Variants in PADI1 observed in about 807,000 individuals in gnomAD.
PADI1 encodes protein-arginine deiminase type-1.
PADI1 carries 65 observed loss-of-function variants against 74.8 expected under a neutral mutation model. That is an observed-to-expected ratio of 0.87 (90% CI 0.71 to 1.07). The LOEUF (loss-of-function observed/expected upper bound fraction) is 1.07. Among genes scored for constraint, PADI1 ranks in the 50% least tolerant of loss-of-function variants. The probability of loss-of-function intolerance (pLI) is 0.00; values close to 1 mark genes in which losing one functional copy is unlikely to be tolerated. For missense variants in PADI1, 943 were observed against 854.0 expected, an observed-to-expected ratio of 1.10 and a Z score of -1.30; for synonymous variants, 371 against 336.2, an observed-to-expected ratio of 1.10 and a Z score of -1.13.
At chr1:17,229,458 G>A (rs1488686638) in intron 8 of PADI1, among the ~76,000 whole-genome samples, 2 of 152,192 alleles carry the variant, frequency 1.3e-5, no homozygotes, top group Non-Finnish European at 2.9e-5. Context: ...CTGCAAGCCC[G>A]ATCTCACCCA....
At chr1:17,230,926 G>C (rs1389836166) in intron 10 of PADI1, among the ~76,000 whole-genome samples, 1 of 152,224 alleles carries the variant, frequency 6.6e-6, no homozygotes, top group Non-Finnish European at 1.5e-5. Flanking sequence ...GGGCAGGTCA[G>C]CAGCCCTCTT....
intron 10 of PADI1, among the ~76,000 whole-genome samples, chr1:17,231,926 A>T (rs989386564): frequency 1.4e-5 from 2 of 142,938 alleles, no homozygotes; most frequent in African/African-American, 5.4e-5. Context: ...TTCTCTTCCT[A>T]AAAAAAACAC....
intron 6 of PADI1, among the ~76,000 whole-genome samples, chr1:17,226,642 G>A (rs1180183550): frequency 6.6e-6 from 1 of 152,182 alleles, no homozygotes; most frequent in Non-Finnish European, 1.5e-5. Flanking sequence ...ATATGGCCAA[G>A]GCTGGGCGCA....
chr1:17,209,127 A>G (rs1265967753), intron 1 of PADI1, among the ~76,000 whole-genome samples: 3 of 152,236 alleles, frequency 2.0e-5, no homozygotes, highest in Non-Finnish European at 2.9e-5. Context: ...GGTATGTGTA[A>G]TGTGTACATC....
chr1:17,227,302 C>A (rs533862812), intron 6 of PADI1, among the ~76,000 whole-genome samples: 1 of 151,008 alleles, frequency 6.6e-6, no homozygotes, highest in Admixed American at 6.6e-5. Context: ...AATTCCAGCA[C>A]TTTGGGAGGC....
chr1:17,239,382 CT>C lies in PADI1; in HGVS notation c.1553-321del, dbSNP rs527751203. On this transcript the variant is annotated intron_variant, in intron 13 of 15. Coordinates refer to ENST00000375471, the MANE Select transcript of PADI1 (RefSeq NM_013358.3). ...AGTTGTAGATGATAATTAATCCCTC[CT>C]ATAGTTGCTTTAAATATTAATAATA... Among the ~76,000 whole-genome samples the C allele has an allele frequency of 3.9e-5, 6 of 152,138 alleles. No homozygotes were observed. In the South Asian group the frequency reaches 1.2e-3, roughly 32 times the overall value.
At chr1:17,206,049 C>A (rs931486374) in intron 1 of PADI1, among the ~76,000 whole-genome samples, 1 of 152,162 alleles carries the variant, frequency 6.6e-6, no homozygotes, top group African/African-American at 2.4e-5. Context: ...AGTTTCCCTA[C>A]CTGGCCACTA....
chr1:17,217,370 T>G (rs748356850), intron 1 of PADI1, among the ~76,000 whole-genome samples: 5 of 151,974 alleles, frequency 3.3e-5, no homozygotes, highest in Non-Finnish European at 7.4e-5. Flanking sequence ...GAACTAGAAA[T>G]GTACGATTAT....
Position 17,228,660 on chromosome 1 carries a change from G to T in PADI1, c.688G>T (p.Gly230Trp), listed in dbSNP as rs1481554024. 1 of 1,614,196 alleles carries T rather than the reference G, an allele frequency of 6.2e-7. No individual in the cohort carries two copies. The highest frequency in any genetic ancestry group is 2.2e-5 in the East Asian group (1 of 44,864). Reference protein sequence around the residue: ...NSLSDYKQVLGPQCLSYEVER... With the variant: ...NSLSDYKQVLWPQCLSYEVER... ...TCTCTCGGACTACAAACAGGTGCTGGGGCCCCAGTGTCTGTCCTATGAAGT... is the reference window on the plus strand; with the variant it reads ...TCTCTCGGACTACAAACAGGTGCTGTGGCCCCAGTGTCTGTCCTATGAAGT... The change falls in exon 7 of 16, where the codon GGG becomes TGG. Residue 230 changes from glycine to tryptophan, a missense_variant. Physicochemically the swap from Gly to Trp is radical, Grantham distance 184 (BLOSUM62 -2). Transcript: ENST00000375471.
intron 8 of PADI1, 70 bp downstream of exon 8, chr1:17,229,121 G>C: frequency 3.2e-6 from 3 of 934,000 alleles, no homozygotes; most frequent in Non-Finnish European, 5.0e-6. Context: ...CTGCCTCAGG[G>C]CTGCGCCCCT....
intron 10 of PADI1, among the ~76,000 whole-genome samples, chr1:17,231,615 C>T (rs1415280033): frequency 3.3e-5 from 5 of 152,182 alleles, no homozygotes; most frequent in South Asian, 2.1e-4. Flanking sequence ...TGACCTGCCC[C>T]GGGCTTGGCC....
At chr1:17,236,854 G>T (rs1308632197) in intron 11 of PADI1, among the ~76,000 whole-genome samples, 1 of 152,236 alleles carries the variant, frequency 6.6e-6, no homozygotes, top group Non-Finnish European at 1.5e-5. Flanking sequence ...GGCAGTTAAA[G>T]ATGTGGCTAC....
intron 15 of PADI1, among the ~76,000 whole-genome samples, chr1:17,241,477 G>T (rs948574605): frequency 6.6e-6 from 1 of 151,340 alleles, no homozygotes; most frequent in Non-Finnish European, 1.5e-5. Context: ...TGTCGGAATC[G>T]GGATGGAATC....
At position 17,228,608 on chromosome 1, in the gene PADI1, A is replaced by G. The variant is rs181199249; in HGVS notation, c.653-17A>G. The G allele has an allele frequency of 5.0e-6, 8 of 1,613,596 alleles. No homozygotes were observed. The highest frequency in any genetic ancestry group is 6.8e-6 in the Non-Finnish European group (8 of 1,179,846). ...ACCCCTGTCTCCTCGCTAGCCCCTG[A>G]CTCTTGTTCTTCCTAGGTGGGAATT... On this transcript the variant is annotated splice_polypyrimidine_tract_variant and intron_variant, in intron 6 of 15. Coordinates refer to ENST00000375471, the MANE Select transcript of PADI1 (RefSeq NM_013358.3).
At chr1:17,208,347 C>T (rs1306081012) in intron 1 of PADI1, among the ~76,000 whole-genome samples, 6 of 152,106 alleles carry the variant, frequency 3.9e-5, no homozygotes, top group African/African-American at 2.4e-5. Flanking sequence ...TAGGAATCCT[C>T]GACTCAGCAT....
At position 17,229,051 on chromosome 1, in the gene PADI1, G is replaced by A; in HGVS notation, c.929G>A (p.Arg310Lys). The A allele has an allele frequency of 6.5e-7, 1 of 1,549,340 alleles. No homozygotes were observed. Among genetic ancestry groups the A allele is most frequent in the East Asian group, 2.4e-5 (1 of 42,038 alleles). ...TQPPEELYVCRVMDTHGSNEK... is the reference protein window; with the variant it reads ...TQPPEELYVCKVMDTHGSNEK... ...CCTCCTGAGGAGCTGTATGTGTGCA[G>A]GTGAGGCTCCCTCCCTCCAGCCCTC... Residue 310 changes from arginine (R) to lysine (K), a missense_variant and splice_region_variant, in exon 8 of 16, where the codon AGA becomes AAA. By Grantham distance (26) the Arg-to-Lys change is conservative. Coordinates refer to ENST00000375471, the MANE Select transcript of PADI1 (RefSeq NM_013358.3).
intron 1 of PADI1, among the ~76,000 whole-genome samples, chr1:17,214,039 A>G (rs1008786911): frequency 2.6e-5 from 4 of 152,202 alleles, no homozygotes; most frequent in African/African-American, 9.7e-5. Flanking sequence ...AACCAGGGCC[A>G]TGGGGGCACA....
At position 17,238,625 on chromosome 1, in the gene PADI1, C is replaced by T. The variant is rs150225519; in HGVS notation, c.1468C>T (p.Leu490=). ...VPTSDQKGFR[L]LLASPSACLK... is the part of the protein sequence containing the mutation. ...CCTCCCTCCGTGCCAGGGCTTCCGG[C>T]TGCTCCTGGCTAGCCCCAGCGCTTG... Residue 490 remains leucine (L), a synonymous_variant, in exon 13 of 16, where the codon CTG becomes TTG. Coordinates refer to ENST00000375471, the MANE Select transcript of PADI1 (RefSeq NM_013358.3). The T allele has an allele frequency of 3.2e-5, 49 of 1,510,964 alleles. No homozygotes were observed. In the African/African-American group the frequency reaches 6.2e-4, roughly 19 times the overall value. 93.6% of individuals were successfully genotyped at this position (1,510,964 alleles called of 1,614,324 possible). A position where few individuals can be genotyped will look rare whatever the true frequency, so the allele number is the denominator to read the frequency against.
At chr1:17,227,579 A>AATTAATT (rs2072358117) in intron 6 of PADI1, among the ~76,000 whole-genome samples, 3 of 136,960 alleles carry the variant, frequency 2.2e-5, no homozygotes, top group African/African-American at 5.1e-5. Flanking sequence ...ATAAATAAAT[A>AATTAATT]AATTACCACT....
Sources: allele counts gnomAD v4.1 joint callset (sites outside exome capture counted in the v4.1 genomes callset), GRCh38; gene constraint gnomAD v4.1.1; transcripts MANE v1.5; gene names NCBI Gene and HGNC (gene_info 2026-07-23, HGNC 2026-07-21).